Variants in BCAS3 observed in about 807,000 individuals in gnomAD.
BCAS3 encodes the protein BCAS3 microtubule associated cell migration factor.
A neutral mutation model predicts 116.1 loss-of-function variants in BCAS3; 53 were observed. The observed-to-expected ratio is 0.46, with a 90% CI of 0.37 to 0.57. The LOEUF (loss-of-function observed/expected upper bound fraction) is 0.57, where lower values mean the gene tolerates loss of function less well. Ranked by LOEUF, BCAS3 falls within the 20% of genes least tolerant of loss-of-function variation. The pLI is 0.00. For synonymous variants in BCAS3, 391 were observed against 408.2 expected (o/e 0.96, Z 0.51); for missense variants, 917 against 1,165.4 (o/e 0.79, Z 3.10).
At chr17:60,764,212 C>G (rs1342054450) in intron 6 of BCAS3, among the ~76,000 whole-genome samples, 1 of 150,002 alleles carries the variant, frequency 6.7e-6, no homozygotes, top group East Asian at 1.9e-4. Context: ...CTGCTCTGAT[C>G]TTAGTTATTT....
At chr17:60,850,348 T>TG in intron 7 of BCAS3, among the ~76,000 whole-genome samples, 1 of 120,160 alleles carries the variant, frequency 8.3e-6, no homozygotes, top group South Asian at 2.6e-4. Flanking sequence ...CACCACTGTT[T>TG]TTTTTTTTTT....
At chr17:60,696,999 C>T (rs1218071518) in intron 4 of BCAS3, among the ~76,000 whole-genome samples, 1 of 151,736 alleles carries the variant, frequency 6.6e-6, no homozygotes, top group African/African-American at 2.4e-5. Context: ...CCAGCCTGGG[C>T]AACATGGCAA....
In BCAS3 at chr17:61,204,299, C is replaced by T. The variant is rs2081002360; in HGVS notation, c.2425+119735C>T. On this transcript the variant is annotated intron_variant, in intron 22 of 23. Transcript: ENST00000407086. This position sits in a 1 kb window ranked among gnomAD's most constrained non-coding sequence, Gnocchi z 4.2. ...TTGCTCTGTATTCAAATGGGAATTGCTGCATTTCTATAAATAGAATGAAGG... is the reference window on the plus strand; with the variant it reads ...TTGCTCTGTATTCAAATGGGAATTGTTGCATTTCTATAAATAGAATGAAGG... Among the ~76,000 whole-genome samples the T allele has an allele frequency of 1.3e-5, 2 of 152,180 alleles. No homozygotes were observed. The highest frequency in any genetic ancestry group is 2.9e-5 in the Non-Finnish European group (2 of 68,030).
intron 22 of BCAS3, among the ~76,000 whole-genome samples, chr17:61,163,430 G>A (rs1191290336): frequency 2.7e-4 from 39 of 144,330 alleles, no homozygotes; most frequent in Admixed American, 4.1e-4. Flanking sequence ...TCTCAGAAAG[G>A]AAAAAAAAAA....
At chr17:61,254,395 T>C (rs373843639) in intron 22 of BCAS3, among the ~76,000 whole-genome samples, 2 of 152,190 alleles carry the variant, frequency 1.3e-5, no homozygotes, top group South Asian at 2.1e-4. Flanking sequence ...GATGCCTCAA[T>C]TGTTTTTTCC....
At chr17:61,168,683 A>G (rs1157000063) in intron 22 of BCAS3, among the ~76,000 whole-genome samples, 1 of 152,336 alleles carries the variant, frequency 6.6e-6, no homozygotes, top group East Asian at 1.9e-4. Context: ...TGGGAGAAGG[A>G]GCAGGTTCTG....
rs776543167 is a variant in BCAS3, at chr17:61,013,326, T to C, written c.1487-2425T>C. Among the ~76,000 whole-genome samples, 35 of 152,138 alleles carry C rather than the reference T, an allele frequency of 2.3e-4. No individual in the cohort carries two copies. Among genetic ancestry groups the C allele is most frequent in the Non-Finnish European group, 4.3e-4 (29 of 67,986 alleles). On this transcript the variant is annotated intron_variant, in intron 15 of 23. Transcript: ENST00000407086. This position sits in a 1 kb window ranked among gnomAD's most constrained non-coding sequence, Gnocchi z 4.4. ...TTGTTTACTAGTTGTGAAATACATATGATGTACACAATTCTTAATTTTCAC... is the reference window on the plus strand; with the variant it reads ...TTGTTTACTAGTTGTGAAATACATACGATGTACACAATTCTTAATTTTCAC...
intron 22 of BCAS3, among the ~76,000 whole-genome samples, chr17:61,250,696 T>C (rs753590689): frequency 9.9e-5 from 15 of 152,206 alleles, no homozygotes; most frequent in Non-Finnish European, 1.6e-4. Flanking sequence ...CCCATGTACA[T>C]GCTGTGAGTA....
At chr17:60,888,636 T>C (rs1466228991) in intron 9 of BCAS3, among the ~76,000 whole-genome samples, 1 of 152,202 alleles carries the variant, frequency 6.6e-6, no homozygotes. Context: ...TATGTTTCCA[T>C]AATATGCATT....
intron 22 of BCAS3, among the ~76,000 whole-genome samples, chr17:61,254,777 G>GAAAAAAAAAAAGA (rs1555796049): frequency 1.4e-5 from 1 of 73,528 alleles, no homozygotes; most frequent in Non-Finnish European, 2.2e-5. Flanking sequence ...CTCCGTCTCA[G>GAAAAAAAAAAAGA]AAAAAAAAAA....
intron 16 of BCAS3, among the ~76,000 whole-genome samples, chr17:61,024,966 T>A (rs2066131824): frequency 6.6e-6 from 1 of 152,070 alleles, no homozygotes; most frequent in Non-Finnish European, 1.5e-5. Context: ...GCCTGGACAT[T>A]CCAGATTACA....
At chr17:60,794,161 G>C (rs1044214189) in intron 6 of BCAS3, among the ~76,000 whole-genome samples, 1 of 152,064 alleles carries the variant, frequency 6.6e-6, no homozygotes, top group Non-Finnish European at 1.5e-5. Flanking sequence ...ATCATTAGTG[G>C]TATTGAGCAT....
chr17:61,165,163 G>A (rs1174640481), intron 22 of BCAS3, among the ~76,000 whole-genome samples: 1 of 152,066 alleles, frequency 6.6e-6, no homozygotes, highest in Non-Finnish European at 1.5e-5. Flanking sequence ...TAATTATCTG[G>A]TATATTTCAA....
rs1028452991 is a variant in BCAS3, at chr17:61,313,376, A to T, written c.2426-54951A>T. 6.6e-6 allele frequency among the ~76,000 whole-genome samples: 1 copy of T among 152,222 alleles called. No homozygotes were observed. Among genetic ancestry groups the T allele is most frequent in the Non-Finnish European group, 1.5e-5 (1 of 68,042 alleles). On this transcript the variant is annotated intron_variant, in intron 22 of 23. Transcript: ENST00000407086. This position sits in a 1 kb window ranked among gnomAD's most constrained non-coding sequence, Gnocchi z 4.3. ...CTTAATCTGCGGTTCTACTTAAAATATGAGGAAACATCTGGAATATTAGTT... is the reference window on the plus strand; with the variant it reads ...CTTAATCTGCGGTTCTACTTAAAATTTGAGGAAACATCTGGAATATTAGTT...
intron 14 of BCAS3, among the ~76,000 whole-genome samples, chr17:60,958,250 C>T (rs1476639192): frequency 2.6e-5 from 4 of 151,908 alleles, no homozygotes; most frequent in African/African-American, 7.3e-5. Context: ...AGGAGACATG[C>T]GAACAAAGAA....
Position 61,046,078 on chromosome 17 carries a change from ATAT to A in BCAS3, c.2029+5188_2029+5190del, listed in dbSNP as rs1276052651. ...TATATTATATATATATAATATATATATATTTATATATATATATAATATATATAT... is the reference window on the plus strand; with the variant it reads ...TATATTATATATATATAATATATATATTATATATATATATAATATATATAT... On this transcript the variant is annotated intron_variant, in intron 19 of 23. Coordinates refer to ENST00000407086, the MANE Select transcript of BCAS3 (RefSeq NM_017679.5). 6.2e-3 allele frequency among the ~76,000 whole-genome samples: 214 copies of A among 34,356 alleles called. 25 individuals are homozygous for A. Among genetic ancestry groups the A allele is most frequent in the African/African-American group, 0.05 (197 of 3,938 alleles). 22.5% of individuals were successfully genotyped at this position (34,356 alleles called of 152,430 possible). A position where few individuals can be genotyped will look rare whatever the true frequency, so the allele number is the denominator to read the frequency against.
At position 61,171,519 on chromosome 17, in the gene BCAS3, G is replaced by A. The variant is rs2078839232; in HGVS notation, c.2425+86955G>A. 6.6e-6 allele frequency among the ~76,000 whole-genome samples: 1 copy of A among 152,148 alleles called. No homozygotes were observed. The highest frequency in any genetic ancestry group is 2.1e-4 in the South Asian group (1 of 4,830). ...GGAAATGTAAGATTGGATAAAAAAG[G>A]CAAGAATCACCTACATCTTGCCCAT... On this transcript the variant is annotated intron_variant, in intron 22 of 23. Transcript: ENST00000407086. This position sits in a 1 kb window ranked among gnomAD's most constrained non-coding sequence, Gnocchi z 4.1.
At chr17:61,268,040 A>T (rs1036385794) in intron 22 of BCAS3, among the ~76,000 whole-genome samples, 13 of 152,162 alleles carry the variant, frequency 8.5e-5, no homozygotes, top group African/African-American at 2.9e-4. Context: ...TCACTTGTAG[A>T]TGTCACTCAG....
chr17:61,159,556 T>G (rs867412141), intron 22 of BCAS3: 2 of 152,228 alleles, frequency 1.3e-5, no homozygotes, highest in Non-Finnish European at 2.9e-5. Flanking sequence ...CTTGTGCATT[T>G]TTAACATCCT....
Sources: allele counts gnomAD v4.1 joint callset (sites outside exome capture counted in the v4.1 genomes callset), GRCh38; gene constraint gnomAD v4.1.1; non-coding constraint Gnocchi (gnomAD v3.1); transcripts MANE v1.5; gene names NCBI Gene and HGNC (gene_info 2026-07-23, HGNC 2026-07-21).